Variants in ATXN3 observed in about 807,000 individuals in gnomAD.
ATXN3 encodes ataxin-3.
Under a neutral mutation model 58.2 loss-of-function variants are expected in ATXN3, and 28 were observed. The ratio of observed to expected loss-of-function variants is 0.48; its 90% CI spans 0.36 to 0.66. The LOEUF is 0.66. ATXN3 is among the 30% of genes least tolerant of loss of function. The pLI is 0.00. For synonymous variants in ATXN3, 113 were observed against 138.5 expected, an observed-to-expected ratio of 0.82 and a Z score of 1.29; for missense variants, 321 against 422.1, an observed-to-expected ratio of 0.76 and a Z score of 2.10.
chr14:92,094,277 T>G (rs56067028), intron 3 of ATXN3, among the ~76,000 whole-genome samples: 1,755 of 152,082 alleles, frequency 0.012, 42 homozygotes, highest in South Asian at 0.035. Flanking sequence ...TATAGATATA[T>G]CACTAAATCC....
At chr14:92,070,454 C>G (rs953751470) in intron 10 of ATXN3, among the ~76,000 whole-genome samples, 1 of 152,124 alleles carries the variant, frequency 6.6e-6, no homozygotes, top group African/African-American at 2.4e-5. Context: ...TGGCGGGCGC[C>G]TGTAGTCCCA....
intron 4 of ATXN3, 75 bp from the exon 5 acceptor site, chr14:92,093,393 TA>T (rs2064356666): frequency 1.3e-6 from 1 of 762,738 alleles, no homozygotes; most frequent in South Asian, 1.8e-5. Flanking sequence ...AAATATTATA[TA>T]AAATTTGTGA....
intron 6 of ATXN3, 125 bp downstream of exon 6, chr14:92,088,605 G>A (rs983241857): frequency 2.6e-5 from 19 of 736,340 alleles, no homozygotes; most frequent in Middle Eastern, 3.1e-4. Context: ...CTATCACCAC[G>A]TCAAAACTAA....
chr14:92,090,569 T>G (rs1451562274), intron 5 of ATXN3: 1 of 152,148 alleles, frequency 6.6e-6, no homozygotes, highest in African/African-American at 2.4e-5. Flanking sequence ...TACAGGGACC[T>G]CGAGAGACAG....
intron 3 of ATXN3, among the ~76,000 whole-genome samples, chr14:92,094,576 A>T (rs1163854383): frequency 6.6e-6 from 1 of 152,224 alleles, no homozygotes; most frequent in Admixed American, 6.5e-5. Context: ...TAGATGTCAG[A>T]CTTCTAGGGT....
At chr14:92,094,276 A>G (rs2064649596) in intron 3 of ATXN3, among the ~76,000 whole-genome samples, 2 of 152,088 alleles carry the variant, frequency 1.3e-5, no homozygotes, top group African/African-American at 4.8e-5. Context: ...GTATAGATAT[A>G]TCACTAAATC....
At chr14:92,055,399 G>A (rs879557485), downstream of ATXN3, among the ~76,000 whole-genome samples, 4 of 151,930 alleles carry the variant, frequency 2.6e-5, no homozygotes, top group Non-Finnish European at 4.4e-5. The surrounding 1 kb of genome is among the most constrained non-coding windows in gnomAD (Gnocchi z 4.5). Context: ...ATGGTTATAC[G>A]GTTCACCGGC....
At chr14:92,072,657 T>A (rs2059630667) in intron 9 of ATXN3, among the ~76,000 whole-genome samples, 1 of 117,418 alleles carries the variant, frequency 8.5e-6, no homozygotes, top group Non-Finnish European at 1.7e-5. Flanking sequence ...AACCAAAACT[T>A]ACAAACAGCT....
At chr14:92,051,718 CTTTT>C (rs1160650510), upstream of ATXN3, among the ~76,000 whole-genome samples, 3 of 35,706 alleles carry the variant, frequency 8.4e-5, no homozygotes, top group African/African-American at 2.2e-4. Flanking sequence ...CTTTTCCTTT[CTTTT>C]TTTTTTTTTT....
intron 6 of ATXN3, among the ~76,000 whole-genome samples, chr14:92,084,828 C>A (rs2062085894): frequency 6.6e-6 from 1 of 152,144 alleles, no homozygotes; most frequent in Non-Finnish European, 1.5e-5. Context: ...GATCTGCCCA[C>A]CTCGGCCTCC....
chr14:92,090,003 G>A (rs1324553152), intron 5 of ATXN3, among the ~76,000 whole-genome samples: 1 of 152,004 alleles, frequency 6.6e-6, no homozygotes, highest in Non-Finnish European at 1.5e-5. Flanking sequence ...TAGCTAAGGT[G>A]GGAGGATTGC....
In ATXN3 at chr14:92,093,260, C is replaced by T; in HGVS notation, c.379G>A (p.Gly127Arg). The part of the protein sequence containing the change: ...KEHWFTVRKL[G>R]KQWFNLNSLL... ...AGGGTAAGAAATGTTACCTGTTTTC[C>T]TAATTTTCTAACTGTAAACCAGTGT... Residue 127 changes from glycine to arginine, a missense_variant, in exon 5 of 11, where the codon GGA (glycine) becomes AGA (arginine). Transcript: ENST00000644486. The T allele has an allele frequency of 6.7e-7, 1 of 1,490,880 alleles. No individual in the cohort carries two copies. The highest frequency in any genetic ancestry group is 9.3e-7 in the Non-Finnish European group (1 of 1,080,382). The allele number at this position is 1,490,880 out of a possible 1,614,324, so 92.4% of individuals were successfully genotyped here.
chr14:92,063,138 C>T lies in ATXN3; in HGVS notation c.*1182G>A, dbSNP rs2057895080. On this transcript the variant is annotated 3_prime_UTR_variant, in exon 11 of 11. Coordinates refer to ENST00000644486, the MANE Select transcript of ATXN3 (RefSeq NM_004993.6). ...TAGATCCACTAAGTACTGTGACTTC[C>T]ATTGTTCTTAAGCTATCTAAACATG... 6.6e-6 allele frequency: 1 copy of T among 152,598 alleles called. No individual in the cohort carries two copies. The highest frequency in any genetic ancestry group is 6.5e-5 in the Admixed American group (1 of 15,274). 9.5% of individuals were successfully genotyped at this position (152,598 alleles called of 1,614,324 possible). A position where few individuals can be genotyped will look rare whatever the true frequency, so the allele number is the denominator to read the frequency against.
intron 10 of ATXN3, among the ~76,000 whole-genome samples, chr14:92,069,369 C>CT (rs2059033499): frequency 8.5e-6 from 1 of 117,500 alleles, no homozygotes; most frequent in Admixed American, 8.8e-5. Flanking sequence ...CCGTGTCCAG[C>CT]CCTTTTTTTT....
intron 10 of ATXN3, 39 bp downstream of exon 10, chr14:92,070,896 T>G: frequency 6.2e-7 from 1 of 1,613,228 alleles, no homozygotes; most frequent in Non-Finnish European, 8.5e-7. Flanking sequence ...AGATAAAGTG[T>G]GAAGGTAGCG....
chr14:92,089,782 A>G lies in ATXN3; in HGVS notation c.388-965T>C, dbSNP rs531619809. On this transcript the variant is annotated intron_variant, in intron 5 of 10. Transcript: ENST00000644486. ...TCTTTTTTCAAAATATCAGTCCAAC[A>G]TAACTCCAATCATATCTATCACACT... Among the ~76,000 whole-genome samples, 38 of 152,366 alleles carry G rather than the reference A, an allele frequency of 2.5e-4. No individual in the cohort carries two copies. In the South Asian group the frequency reaches 7.7e-3, roughly 31 times the overall value.
intron 2 of ATXN3, 164 bp downstream of exon 2, chr14:92,096,510 G>C (rs1461051095): frequency 4.7e-5 from 37 of 795,478 alleles, no homozygotes; most frequent in Middle Eastern, 3.8e-4. Context: ...TGTAATCCCA[G>C]CTACTTGGGA....
At chr14:92,096,611 G>A (rs562787524) in intron 2 of ATXN3, 63 bp downstream of exon 2, 29 of 1,499,366 alleles carry the variant, frequency 1.9e-5, no homozygotes, top group Admixed American at 3.9e-5. Context: ...GCAACAGGGC[G>A]AGACTCCGTC....
intron 9 of ATXN3, chr14:92,071,584 G>A (rs1381875562): frequency 7.0e-6 from 2 of 285,074 alleles, no homozygotes; most frequent in Non-Finnish European, 1.4e-5. Context: ...GCGACAGAGC[G>A]AGACTCTGTC....
Sources: gnomAD v4.1 joint callset for allele counts (sites outside exome capture counted in the v4.1 genomes callset) on GRCh38, gnomAD v4.1.1 for gene constraint, Gnocchi (gnomAD v3.1) non-coding constraint, MANE v1.5 for transcripts, NCBI Gene and HGNC (gene_info 2026-07-23, HGNC 2026-07-21) for gene names.